The following PTPN14 variants were observed in gnomAD, a reference collection of about 807,000 sequenced individuals.
PTPN14 encodes tyrosine-protein phosphatase non-receptor type 14.
PTPN14 carries 53 observed loss-of-function variants against 126.8 expected under a neutral mutation model. That is an observed-to-expected ratio of 0.42 (90% CI 0.34 to 0.53). The LOEUF (loss-of-function observed/expected upper bound fraction) is 0.53. PTPN14 is among the 20% of genes least tolerant of loss of function. The pLI is 0.08. For synonymous variants in PTPN14, 630 were observed against 599.3 expected (o/e 1.05, Z -0.75); for missense variants, 1,257 against 1,552.9 (o/e 0.81, Z 3.20).
intron 2 of PTPN14, among the ~76,000 whole-genome samples, chr1:214,458,724 T>C (rs562826504): frequency 1.8e-4 from 28 of 152,294 alleles, no homozygotes; most frequent in African/African-American, 6.7e-4. Flanking sequence ...TGTTTTCATG[T>C]ACTTCTTTTT....
At chr1:214,507,515 A>G (rs1480175913) in intron 1 of PTPN14, among the ~76,000 whole-genome samples, 2 of 152,192 alleles carry the variant, frequency 1.3e-5, no homozygotes, top group Non-Finnish European at 2.9e-5. Context: ...ACATATATAG[A>G]ACACCTTTTA....
In PTPN14 at chr1:214,372,833, C is replaced by T; in HGVS notation, c.2914G>A (p.Val972Ile). ...YINASHIKVV[V>I]GGAEWHYIAT... The stretch of plus-strand genomic sequence containing the variant: ...ATGTAGTGCCATTCTGCCCCGCCAA[C>T]CACCACCTAAAAACCAAGAAAAGTA... The change falls in exon 16 of 19, where the codon GTT (valine) becomes ATT (isoleucine). Residue 972 changes from valine to isoleucine, a missense_variant. Transcript: ENST00000366956. 3 of 1,614,048 alleles carry T rather than the reference C, an allele frequency of 1.9e-6. No individual in the cohort carries two copies. Among genetic ancestry groups the T allele is most frequent in the Non-Finnish European group, 2.5e-6 (3 of 1,179,978 alleles).
At chr1:214,360,978 T>A (rs1487809083) in intron 18 of PTPN14, among the ~76,000 whole-genome samples, 1 of 152,172 alleles carries the variant, frequency 6.6e-6, no homozygotes, top group East Asian at 1.9e-4. Context: ...CCCTTTGCTC[T>A]CTCTCTCTCC....
chr1:214,550,153 A>G (rs1375167698), intron 1 of PTPN14, among the ~76,000 whole-genome samples: 3 of 151,844 alleles, frequency 2.0e-5, no homozygotes, highest in African/African-American at 7.3e-5. Context: ...AGTTTCCTCC[A>G]CTAGGCTGCA....
chr1:214,379,726 C>T (rs1395167766), intron 13 of PTPN14, among the ~76,000 whole-genome samples: 1 of 152,246 alleles, frequency 6.6e-6, no homozygotes, highest in Non-Finnish European at 1.5e-5. Context: ...CCATTTGCCT[C>T]TCACCTACCT....
At chr1:214,495,716 C>T (rs770238498) in intron 1 of PTPN14, among the ~76,000 whole-genome samples, 4 of 151,512 alleles carry the variant, frequency 2.6e-5, no homozygotes, top group African/African-American at 4.9e-5. Context: ...TACTTCGCAA[C>T]GGAAATTCGC....
rs544234898 is a variant in PTPN14 at position 214,368,496 on chromosome 1, C to T, written c.3271+961G>A. ...GATTATAGGTGTGAGCCACCATGCC[C>T]GGCCTATTTTTAAGTTTTATTTCTC... On this transcript the variant is annotated intron_variant, in intron 17 of 18. Transcript: ENST00000366956. 6.6e-5 allele frequency among the ~76,000 whole-genome samples: 10 copies of T among 152,208 alleles called. No homozygotes were observed. The East Asian group carries it at 1.4e-3, about 21-fold the overall frequency.
rs79633153 is a variant in PTPN14 at position 214,411,759 on chromosome 1, G to T, written c.443-8C>A. Reference sequence around the variant, plus strand: ...TATAGTCTCCAAAATCAGCTGAGAAGAAAAGAAGATGGAAGGGCAGTATTT... The same window carrying T: ...TATAGTCTCCAAAATCAGCTGAGAATAAAAGAAGATGGAAGGGCAGTATTT... On this transcript the variant is annotated splice_polypyrimidine_tract_variant and splice_region_variant and intron_variant, in intron 4 of 18. Coordinates refer to ENST00000366956, the MANE Select transcript of PTPN14 (RefSeq NM_005401.5). 3,418 of 1,493,472 alleles carry T rather than the reference G, an allele frequency of 2.3e-3. 73 individuals carry two copies. The African/African-American group carries it at 0.041, about 18-fold the overall frequency. 92.5% of individuals were successfully genotyped at this position (1,493,472 alleles called of 1,614,324 possible).
chr1:214,403,148 A>AT (rs1659075276), intron 5 of PTPN14, among the ~76,000 whole-genome samples, 195 bp from the exon 6 acceptor site: 1 of 152,204 alleles, frequency 6.6e-6, no homozygotes, highest in Non-Finnish European at 1.5e-5. Context: ...ACGGCTCTCC[A>AT]TTATAACAGG....
At chr1:214,530,838 C>A (rs946054420) in intron 1 of PTPN14, 3 of 152,112 alleles carry the variant, frequency 2.0e-5, no homozygotes, top group African/African-American at 7.2e-5. Flanking sequence ...AGATATCTAA[C>A]AATTCAATAT....
At chr1:214,482,969 T>G in intron 1 of PTPN14, 1 of 1,598,574 alleles carries the variant, frequency 6.3e-7, no homozygotes, top group African/African-American at 1.3e-5. Context: ...GTGCATCAAT[T>G]TGTGTAACAA....
intron 3 of PTPN14, among the ~76,000 whole-genome samples, chr1:214,440,276 T>C (rs539588487): frequency 1.3e-5 from 2 of 152,330 alleles, no homozygotes; most frequent in African/African-American, 4.8e-5. Flanking sequence ...GGGTCTCATA[T>C]TTAGATATAA....
chr1:214,480,646 C>T (rs1558122260), intron 1 of PTPN14, among the ~76,000 whole-genome samples: 1 of 152,200 alleles, frequency 6.6e-6, no homozygotes, highest in African/African-American at 2.4e-5. Context: ...AGTGCCATGT[C>T]ACAGCACCTC....
intron 3 of PTPN14, among the ~76,000 whole-genome samples, chr1:214,425,157 CCT>C (rs1235387712): frequency 1.3e-5 from 2 of 152,136 alleles, no homozygotes; most frequent in East Asian, 3.9e-4. Context: ...GCGGGAACCA[CCT>C]CTCTCTATTC....
At chr1:214,469,936 AATAT>A (rs1383258964) in intron 1 of PTPN14, among the ~76,000 whole-genome samples, 2 of 152,186 alleles carry the variant, frequency 1.3e-5, no homozygotes, top group African/African-American at 4.8e-5. Context: ...TAAGTTACTT[AATAT>A]ATAGTTTTAT....
intron 1 of PTPN14, among the ~76,000 whole-genome samples, chr1:214,496,652 G>C (rs775249322): frequency 4.6e-5 from 7 of 152,078 alleles, no homozygotes; most frequent in Non-Finnish European, 1.0e-4. Flanking sequence ...CCAAGTGCTG[G>C]GATCCCTAAG....
At chr1:214,398,702 G>T (rs1380933347) in intron 7 of PTPN14, among the ~76,000 whole-genome samples, 3 of 149,056 alleles carry the variant, frequency 2.0e-5, no homozygotes, top group Non-Finnish European at 4.4e-5. Flanking sequence ...CAAAGTGTTG[G>T]GATTACAGGT....
intron 12 of PTPN14, among the ~76,000 whole-genome samples, chr1:214,385,807 A>G (rs946220669): frequency 7.9e-5 from 12 of 152,164 alleles, no homozygotes; most frequent in African/African-American, 2.9e-4. Context: ...AAACAGGGGG[A>G]ACACAGAGAC....
chr1:214,548,400 G>A (rs141124232), intron 1 of PTPN14, among the ~76,000 whole-genome samples: 2 of 152,246 alleles, frequency 1.3e-5, no homozygotes, highest in East Asian at 1.9e-4. Context: ...ATCCAAAAGC[G>A]TATTTTAACA....
Sources: gnomAD v4.1 joint callset for allele counts (sites outside exome capture counted in the v4.1 genomes callset) on GRCh38, gnomAD v4.1.1 for gene constraint, MANE v1.5 for transcripts, NCBI Gene and HGNC (gene_info 2026-07-23, HGNC 2026-07-21) for gene names.